Variants in ARHGEF4 observed in about 807,000 individuals in gnomAD.
ARHGEF4 encodes the protein APC-stimulated guanine nucleotide exchange factor 1.
Under a neutral mutation model 162.0 loss-of-function variants are expected in ARHGEF4, and 119 were observed. The ratio of observed to expected loss-of-function variants is 0.73; its 90% CI spans 0.63 to 0.86. The LOEUF is 0.86. Ranked by LOEUF, ARHGEF4 falls within the 40% of genes least tolerant of loss-of-function variation. The pLI, the probability that ARHGEF4 is intolerant of heterozygous loss-of-function variation, is 0.00. For synonymous variants in ARHGEF4, 1,014 were observed against 979.9 expected, an observed-to-expected ratio of 1.03 and a Z score of -0.65; for missense variants, 2,488 against 2,456.0, an observed-to-expected ratio of 1.01 and a Z score of -0.28.
At chr2:130,838,625 GAAGGAAGGAAGGAAGGA>G (rs1417031367) in intron 1 of ARHGEF4, among the ~76,000 whole-genome samples, 4 of 151,084 alleles carry the variant, frequency 2.6e-5, no homozygotes, top group African/African-American at 9.7e-5. Context: ...AAAAAGAAAA[GAAGGAAGGAAGGAAGGA>G]AAGGAAGGAA....
At chr2:130,909,512 A>G (rs957378342) in intron 1 of ARHGEF4, among the ~76,000 whole-genome samples, 2 of 152,184 alleles carry the variant, frequency 1.3e-5, no homozygotes, top group Non-Finnish European at 2.9e-5. Context: ...GTGTTGAGGG[A>G]GGAGTGAGGA....
Position 130,915,213 on chromosome 2 carries a change from C to T in ARHGEF4, c.1267C>T (p.Leu423Phe). 6.4e-7 allele frequency: 1 copy of T among 1,550,608 alleles called. No individual in the cohort carries two copies. Among genetic ancestry groups the T allele is most frequent in the Non-Finnish European group, 8.7e-7 (1 of 1,147,000 alleles). ...RASQDTPSAGLLGENQLRQDS... is the reference protein window; with the variant it reads ...RASQDTPSAGFLGENQLRQDS... ...CTCTCAGGACACTCCTTCTGCAGGT[C>T]TCCTGGGGGAAAACCAGTTAAGACA... Residue 423 changes from leucine to phenylalanine, a missense_variant, in exon 2 of 14, where the codon CTC becomes TTC. Transcript: ENST00000409359.
chr2:130,982,407 CTA>C (rs1686178260), intron 4 of ARHGEF4, among the ~76,000 whole-genome samples: 1 of 152,038 alleles, frequency 6.6e-6, no homozygotes, highest in Admixed American at 6.6e-5. Context: ...GCTTTACTAT[CTA>C]AACTTTTTCA....
At chr2:131,026,303 T>C (rs1423484533) in intron 4 of ARHGEF4, among the ~76,000 whole-genome samples, 1 of 152,220 alleles carries the variant, frequency 6.6e-6, no homozygotes, top group Non-Finnish European at 1.5e-5. Flanking sequence ...AGAATATCAT[T>C]ATGACTGAGG....
At chr2:131,044,229 G>A in intron 11 of ARHGEF4, 70 bp from the exon 12 acceptor site, 1 of 1,580,004 alleles carries the variant, frequency 6.3e-7, no homozygotes, top group Non-Finnish European at 8.6e-7. Context: ...CTGGGGAGAG[G>A]AGGTGGGAGC....
intron 1 of ARHGEF4, among the ~76,000 whole-genome samples, chr2:130,876,059 T>C (rs1021676804): frequency 6.6e-6 from 1 of 152,202 alleles, no homozygotes; most frequent in African/African-American, 2.4e-5. Context: ...AATGTCAGCT[T>C]TTTCTCCAGC....
At chr2:130,959,742 A>G (rs1684523246) in intron 4 of ARHGEF4, among the ~76,000 whole-genome samples, 1 of 152,232 alleles carries the variant, frequency 6.6e-6, no homozygotes, top group African/African-American at 2.4e-5. Context: ...AATTTGCCCA[A>G]GGTCACAACT....
In ARHGEF4 at chr2:130,946,646, C is replaced by T. The variant is rs547070581; in HGVS notation, c.3985+11C>T. 2.7e-5 allele frequency: 43 copies of T among 1,613,618 alleles called. No homozygotes were observed. In the East Asian group the frequency reaches 4.7e-4, roughly 18 times the overall value. On this transcript the variant is annotated intron_variant, in intron 4 of 13. Coordinates refer to ENST00000409359, the MANE Select transcript of ARHGEF4 (RefSeq NM_001367493.1). ...ACACACCAGGCACTGGTGAGTTACGCGCCTCTCTCTTTTGCTATGTACTCT... is the reference window on the plus strand; with the variant it reads ...ACACACCAGGCACTGGTGAGTTACGTGCCTCTCTCTTTTGCTATGTACTCT...
At chr2:130,935,192 T>G (rs1305542085) in intron 3 of ARHGEF4, among the ~76,000 whole-genome samples, 1 of 151,728 alleles carries the variant, frequency 6.6e-6, no homozygotes, top group African/African-American at 2.4e-5. Context: ...AGAGACTGAG[T>G]TATGGGACTG....
intron 4 of ARHGEF4, among the ~76,000 whole-genome samples, chr2:130,988,889 T>TAG (rs1397983934): frequency 3.4e-5 from 4 of 116,420 alleles, no homozygotes; most frequent in South Asian, 3.7e-4. Flanking sequence ...TATATATATA[T>TAG]ATATATATAT....
At chr2:131,013,394 A>G (rs981280323) in intron 4 of ARHGEF4, among the ~76,000 whole-genome samples, 10 of 152,190 alleles carry the variant, frequency 6.6e-5, no homozygotes, top group African/African-American at 2.2e-4. Context: ...CAGCCAGCAT[A>G]AAAGGCCGAA....
chr2:131,027,885 T>A lies in ARHGEF4; in HGVS notation c.3986-60T>A, dbSNP rs1558870653. 11 of 1,597,570 alleles carry A rather than the reference T, an allele frequency of 6.9e-6. No individual in the cohort carries two copies. The Admixed American group carries it at 1.7e-4, about 24-fold the overall frequency. On this transcript the variant is annotated intron_variant, in intron 4 of 13. Transcript: ENST00000409359. The stretch of plus-strand genomic sequence containing the variant: ...ACCCACTGGGCTCCTTCTCCACGTG[T>A]TCTCCCCTCAGCCCTTCCCAGCCCA...
intron 4 of ARHGEF4, among the ~76,000 whole-genome samples, chr2:131,012,950 A>T (rs1292196786): frequency 6.6e-6 from 1 of 152,226 alleles, no homozygotes; most frequent in African/African-American, 2.4e-5. Context: ...TATTTTCTTT[A>T]CACGTACAAA....
intron 4 of ARHGEF4, among the ~76,000 whole-genome samples, chr2:130,993,825 A>G (rs1687208104): frequency 6.6e-6 from 1 of 152,046 alleles, no homozygotes; most frequent in Admixed American, 6.5e-5. Context: ...GCTGTTACCC[A>G]GGCTGGAGTG....
At chr2:130,883,959 G>A (rs888805703) in intron 1 of ARHGEF4, among the ~76,000 whole-genome samples, 4 of 152,116 alleles carry the variant, frequency 2.6e-5, no homozygotes, top group African/African-American at 7.3e-5. Context: ...GTGAATTTAT[G>A]TAAAGTTCAT....
rs1378989488 is a variant in ARHGEF4, at chr2:131,046,353, G to A, written c.*164G>A. 1.4e-6 allele frequency: 1 copy of A among 726,172 alleles called. No homozygotes were observed. The highest frequency in any genetic ancestry group is 2.9e-5 in the Admixed American group (1 of 34,860). The allele number at this position is 726,172 out of a possible 1,614,324, so 45.0% of individuals were successfully genotyped here. ...GACGTGCCAGGTCTGTACTCCTGTT[G>A]TCTTTTTCCCTGCTCCTGGTGCCCT... On this transcript the variant is annotated 3_prime_UTR_variant, in exon 14 of 14. Transcript: ENST00000409359.
At chr2:130,851,591 TG>T (rs1308430163) in intron 1 of ARHGEF4, among the ~76,000 whole-genome samples, 1 of 152,076 alleles carries the variant, frequency 6.6e-6, no homozygotes, top group Non-Finnish European at 1.5e-5. Flanking sequence ...GTGGACGGGC[TG>T]GGGGGGCTCC....
intron 4 of ARHGEF4, among the ~76,000 whole-genome samples, chr2:130,958,819 G>A (rs1558769720): frequency 6.6e-6 from 1 of 152,158 alleles, no homozygotes; most frequent in Non-Finnish European, 1.5e-5. Flanking sequence ...TCAGGTCAAT[G>A]GAGTTCCTCT....
At chr2:130,887,560 T>C (rs1392265320) in intron 1 of ARHGEF4, among the ~76,000 whole-genome samples, 1 of 152,132 alleles carries the variant, frequency 6.6e-6, no homozygotes, top group Non-Finnish European at 1.5e-5. Context: ...CGACTTTTTT[T>C]CATTCCTCTA....
Sources: gnomAD v4.1 joint callset for allele counts (sites outside exome capture counted in the v4.1 genomes callset) on GRCh38, gnomAD v4.1.1 for gene constraint, MANE v1.5 for transcripts, NCBI Gene and HGNC (gene_info 2026-07-23, HGNC 2026-07-21) for gene names.